Variants in TENM1 observed in about 807,000 individuals in gnomAD.
TENM1 encodes teneurin-1.
Under a neutral mutation model 174.8 loss-of-function variants are expected in TENM1, and 35 were observed. The observed-to-expected ratio is 0.20, with a 90% CI of 0.15 to 0.27. The LOEUF is 0.27. Ranked by LOEUF, TENM1 falls within the 10% of genes least tolerant of loss-of-function variation. TENM1 has a pLI of 1.00. For missense variants in TENM1, 1,633 were observed against 2,130.1 expected, an observed-to-expected ratio of 0.77 and a Z score of 4.59; for synonymous variants, 781 against 798.7, an observed-to-expected ratio of 0.98 and a Z score of 0.37.
chrX:124,661,569 G>A, intron 6 of TENM1, among the ~76,000 whole-genome samples: 1 of 111,849 alleles, frequency 8.9e-6, no homozygotes, highest in East Asian at 2.8e-4. Context: ...TTATATGTCA[G>A]TTATCATTAT....
At chrX:124,489,698 T>C (rs907644247) in intron 20 of TENM1, among the ~76,000 whole-genome samples, 6 of 112,032 alleles carry the variant, frequency 5.4e-5, no homozygotes, top group Non-Finnish European at 1.1e-4. Context: ...AAAGAGGACA[T>C]ATGCCAATTT....
the TENM1 span, among the ~76,000 whole-genome samples, chrX:125,052,270 G>A: frequency 9.0e-6 from 1 of 111,374 alleles, no homozygotes; most frequent in African/African-American, 3.3e-5. Context: ...TACTTAGGAC[G>A]ACAGACCAAA....
the TENM1 span, among the ~76,000 whole-genome samples, chrX:125,174,938 C>A: frequency 1.7e-3 from 186 of 111,382 alleles, 1 homozygote; most frequent in African/African-American, 5.7e-3. Context: ...AACTGTGCAA[C>A]CTTCATAAAG....
the TENM1 span, among the ~76,000 whole-genome samples, chrX:125,091,914 G>A: frequency 8.6e-5 from 9 of 104,175 alleles, no homozygotes; most frequent in Non-Finnish European, 1.6e-4. Context: ...GAACCCAGGA[G>A]GTGGAGGTTG....
chrX:124,447,267 C>A (rs2060974694), intron 23 of TENM1, among the ~76,000 whole-genome samples: 1 of 111,497 alleles, frequency 9.0e-6, no homozygotes, highest in Non-Finnish European at 1.9e-5. Context: ...AGATGGGAAG[C>A]TCTGGTCATA....
chrX:124,958,862 T>C (rs944040179), intron 1 of TENM1, among the ~76,000 whole-genome samples: 4 of 111,359 alleles, frequency 3.6e-5, no homozygotes, highest in Non-Finnish European at 7.5e-5. Flanking sequence ...ATTGTGATGA[T>C]GGTGATGATG....
At chrX:124,802,796 G>C (rs190043055) in intron 3 of TENM1, among the ~76,000 whole-genome samples, 103 of 111,614 alleles carry the variant, frequency 9.2e-4, no homozygotes, top group African/African-American at 3.3e-3. Flanking sequence ...TCAGCCTCAA[G>C]TAGCTCTATT....
chrX:124,870,489 A>C (rs762838463), intron 3 of TENM1, among the ~76,000 whole-genome samples: 1 of 111,946 alleles, frequency 8.9e-6, no homozygotes, highest in South Asian at 3.7e-4. Flanking sequence ...TGCAAACTGC[A>C]GTAGTGTGTA....
intron 11 of TENM1, among the ~76,000 whole-genome samples, chrX:124,600,274 A>T (rs1172867111): frequency 9.0e-6 from 1 of 111,463 alleles, no homozygotes; most frequent in Non-Finnish European, 1.9e-5. Context: ...AAAAGTGCTC[A>T]GAGAAAGATG....
intron 3 of TENM1, among the ~76,000 whole-genome samples, chrX:124,870,235 C>A (rs1243027578): frequency 8.9e-6 from 1 of 111,926 alleles, no homozygotes; most frequent in Non-Finnish European, 1.9e-5. Context: ...ATTCTATATT[C>A]ATTCTTTCAA....
intron 3 of TENM1, among the ~76,000 whole-genome samples, chrX:124,880,389 C>G (rs1320824181): frequency 8.9e-6 from 1 of 112,492 alleles, no homozygotes; most frequent in African/African-American, 3.2e-5. Flanking sequence ...TATCCTGCAA[C>G]TTTACTGAAT....
At chrX:125,118,764 G>C in the TENM1 span, among the ~76,000 whole-genome samples, 1 of 112,085 alleles carries the variant, frequency 8.9e-6, no homozygotes, top group Non-Finnish European at 1.9e-5. Context: ...AATACTATGT[G>C]CTGAAAAGAT....
At chrX:124,962,235 G>A (rs2058665237) in intron 1 of TENM1, among the ~76,000 whole-genome samples, 1 of 111,766 alleles carries the variant, frequency 8.9e-6, no homozygotes, top group Non-Finnish European at 1.9e-5. Flanking sequence ...ATATTTGAAG[G>A]TCACTCAAAT....
the TENM1 span, among the ~76,000 whole-genome samples, chrX:125,006,468 T>G: frequency 8.9e-6 from 1 of 111,895 alleles, no homozygotes; most frequent in East Asian, 2.8e-4. Flanking sequence ...CCTGCCTGAC[T>G]CTGAAGAGTG....
In TENM1 at chrX:124,461,711, G is replaced by A. The variant is rs1043068913; in HGVS notation, c.3950-8220C>T. On this transcript the variant is annotated intron_variant, in intron 22 of 31. Coordinates refer to ENST00000422452, the Ensembl canonical transcript of TENM1. The stretch of plus-strand genomic sequence containing the variant: ...AGCTAAAAAAGAGAGTAGATTAGTC[G>A]TTACCGGAGGCTGGGAAGGGTAAGG... Among the ~76,000 whole-genome samples the A allele has an allele frequency of 7.2e-5, 8 of 111,298 alleles. No homozygotes were observed. In the East Asian group the frequency reaches 1.1e-3, roughly 16 times the overall value.
intron 23 of TENM1, among the ~76,000 whole-genome samples, chrX:124,426,255 C>A (rs2060715511): frequency 9.0e-6 from 1 of 111,604 alleles, no homozygotes; most frequent in Non-Finnish European, 1.9e-5. Context: ...TTCTCTATTT[C>A]TTTTCTTTTA....
At chrX:124,743,054 C>T (rs187828813) in intron 3 of TENM1, among the ~76,000 whole-genome samples, 1 of 111,673 alleles carries the variant, frequency 9.0e-6, no homozygotes, top group African/African-American at 3.2e-5. Context: ...TTTTACCTGT[C>T]ACAAAGAGCT....
intron 4 of TENM1, among the ~76,000 whole-genome samples, chrX:124,706,676 A>T (rs2052913352): frequency 8.9e-6 from 1 of 112,287 alleles, no homozygotes; most frequent in East Asian, 2.8e-4. Context: ...CCAAAAACAA[A>T]TAAATAAATA....
intron 14 of TENM1, among the ~76,000 whole-genome samples, chrX:124,551,256 A>C (rs1029502445): frequency 2.6e-4 from 29 of 111,697 alleles, no homozygotes; most frequent in Non-Finnish European, 3.2e-4. Flanking sequence ...GCTAAGTGAA[A>C]TAAGTCAGTC....
Sources: allele counts gnomAD v4.1 joint callset (sites outside exome capture counted in the v4.1 genomes callset), GRCh38; gene constraint gnomAD v4.1.1; transcripts MANE v1.5; gene names NCBI Gene and HGNC (gene_info 2026-07-23, HGNC 2026-07-21).